Variants in ASIC2 observed in about 807,000 individuals in gnomAD.
ASIC2 encodes the protein acid-sensing ion channel 2.
ASIC2 carries 25 observed loss-of-function variants against 57.3 expected under a neutral mutation model. That is an observed-to-expected ratio of 0.44 (90% CI 0.32 to 0.61). ASIC2 has a LOEUF of 0.61. Among genes scored for constraint, ASIC2 ranks in the 20% least tolerant of loss-of-function variants. ASIC2 has a pLI of 0.06. For missense variants in ASIC2, 641 were observed against 738.1 expected, an observed-to-expected ratio of 0.87 and a Z score of 1.52; for synonymous variants, 319 against 307.5, an observed-to-expected ratio of 1.04 and a Z score of -0.39.
At chr17:33,755,255 T>C (rs1002765276) in intron 1 of ASIC2, among the ~76,000 whole-genome samples, 5 of 152,108 alleles carry the variant, frequency 3.3e-5, no homozygotes, top group Non-Finnish European at 7.4e-5. Flanking sequence ...GGCAAGCAAA[T>C]GGATTCTCTT....
Position 33,351,307 on chromosome 17 carries a change from T to C in ASIC2, c.556-239240A>G, listed in dbSNP as rs566314431. 1.1e-4 allele frequency among the ~76,000 whole-genome samples: 17 copies of C among 152,014 alleles called. No individual in the cohort carries two copies. The South Asian group carries it at 2.9e-3, about 26-fold the overall frequency. ...GGAGGCTGACTTGGTGTTGGCACAGTTCCAGGTCTAAGCACCATGAGCAGC... is the reference window on the plus strand; with the variant it reads ...GGAGGCTGACTTGGTGTTGGCACAGCTCCAGGTCTAAGCACCATGAGCAGC... On this transcript the variant is annotated intron_variant, in intron 1 of 9. Coordinates refer to the ASIC2 transcript ENST00000359872.
intron 1 of ASIC2, among the ~76,000 whole-genome samples, chr17:33,160,231 AAAG>A (rs1905126138): frequency 6.6e-6 from 1 of 151,962 alleles, no homozygotes; most frequent in Admixed American, 6.6e-5. Flanking sequence ...AAAGAAAAGA[AAAG>A]AAAAGAAAAT....
intron 1 of ASIC2, among the ~76,000 whole-genome samples, chr17:33,380,242 T>C (rs1284823002): frequency 3.6e-5 from 1 of 27,452 alleles, no homozygotes; most frequent in African/African-American, 1.1e-4. Context: ...GGAAACCCTG[T>C]CTCAAAAAAA....
intron 1 of ASIC2, among the ~76,000 whole-genome samples, chr17:34,066,572 C>A (rs1467286084): frequency 6.6e-6 from 1 of 152,180 alleles, no homozygotes; most frequent in Non-Finnish European, 1.5e-5. Flanking sequence ...ACATGGCCTG[C>A]AAAGACATTC....
chr17:33,631,322 ATTT>A (rs113222295), intron 1 of ASIC2, among the ~76,000 whole-genome samples: 6 of 134,498 alleles, frequency 4.5e-5, no homozygotes, highest in Admixed American at 1.5e-4. Context: ...GCTTTTAGTG[ATTT>A]TTTTTTTTTT....
chr17:33,399,670 C>T (rs75677757), intron 1 of ASIC2, among the ~76,000 whole-genome samples: 16,203 of 152,222 alleles, frequency 0.11, 941 homozygotes, highest in Middle Eastern at 0.14. Context: ...ATGCCCCTTC[C>T]CCTTAATCTC....
intron 1 of ASIC2, among the ~76,000 whole-genome samples, chr17:33,151,205 GCACACA>G (rs796468433): frequency 2.1e-5 from 3 of 145,888 alleles, no homozygotes; most frequent in African/African-American, 7.7e-5. Context: ...ACACACGCGC[GCACACA>G]CACACACACA....
intron 1 of ASIC2, among the ~76,000 whole-genome samples, chr17:33,371,409 A>C (rs1394393): frequency 6.6e-6 from 1 of 152,184 alleles, no homozygotes; most frequent in Non-Finnish European, 1.5e-5. Context: ...CAAGAGGCTC[A>C]CAGGGAGAGG....
At chr17:34,091,983 C>A (rs1393149915) in intron 1 of ASIC2, among the ~76,000 whole-genome samples, 1 of 152,168 alleles carries the variant, frequency 6.6e-6, no homozygotes, top group Non-Finnish European at 1.5e-5. Flanking sequence ...TTTCCTTTCC[C>A]TACTTCCATG....
At chr17:33,941,611 C>T (rs1375342051) in intron 1 of ASIC2, among the ~76,000 whole-genome samples, 2 of 152,198 alleles carry the variant, frequency 1.3e-5, no homozygotes, top group African/African-American at 4.8e-5. Flanking sequence ...ATCTTCTCCA[C>T]TGGGGGCAAA....
chr17:34,038,408 G>T (rs946346549), intron 1 of ASIC2: 2 of 1,611,964 alleles, frequency 1.2e-6, no homozygotes, highest in Admixed American at 3.3e-5. Context: ...TTCCCTACAT[G>T]CATGCTTGTG....
At chr17:33,170,190 C>T (rs554686503) in intron 1 of ASIC2, among the ~76,000 whole-genome samples, 16 of 152,262 alleles carry the variant, frequency 1.1e-4, no homozygotes, top group African/African-American at 2.4e-4. Context: ...ATTATTTTCA[C>T]GGAAATGTCT....
At chr17:33,516,139 A>C (rs1271635092) in intron 1 of ASIC2, among the ~76,000 whole-genome samples, 1 of 151,828 alleles carries the variant, frequency 6.6e-6, no homozygotes, top group Non-Finnish European at 1.5e-5. Context: ...ACAAAACAAA[A>C]CAAAACAAAA....
chr17:33,474,175 T>C (rs1261726457), intron 1 of ASIC2, among the ~76,000 whole-genome samples: 1 of 152,166 alleles, frequency 6.6e-6, no homozygotes, highest in Non-Finnish European at 1.5e-5. Flanking sequence ...AAGACCAGCC[T>C]GGACTACATG....
chr17:33,653,161 A>G (rs1370576367), intron 1 of ASIC2, among the ~76,000 whole-genome samples: 1 of 152,214 alleles, frequency 6.6e-6, no homozygotes, highest in Non-Finnish European at 1.5e-5. Flanking sequence ...CGTGATTTCC[A>G]GGGTAAAGGA....
intron 1 of ASIC2, chr17:33,291,097 G>A (rs1905415557): frequency 2.5e-6 from 1 of 396,346 alleles, no homozygotes; most frequent in African/African-American, 2.1e-5. Flanking sequence ...TCGGGAAGAA[G>A]GAGGCTGACT....
chr17:33,379,282 T>C (rs1292789495), intron 1 of ASIC2, among the ~76,000 whole-genome samples: 4 of 152,158 alleles, frequency 2.6e-5, no homozygotes, highest in African/African-American at 9.7e-5. Context: ...TTCTCATCTG[T>C]AAAAGGGGGC....
At chr17:33,858,607 T>C (rs1339630745) in intron 1 of ASIC2, among the ~76,000 whole-genome samples, 2 of 152,220 alleles carry the variant, frequency 1.3e-5, no homozygotes, top group Admixed American at 6.5e-5. Context: ...TGCTGCTCTG[T>C]CTCACCTCCC....
chr17:33,357,900 CAG>C (rs761166193), intron 1 of ASIC2, among the ~76,000 whole-genome samples: 3 of 152,188 alleles, frequency 2.0e-5, no homozygotes, highest in Non-Finnish European at 4.4e-5. Flanking sequence ...TGACTTGCAT[CAG>C]AGTCACTTGC....
Sources: gnomAD v4.1 joint callset for allele counts (sites outside exome capture counted in the v4.1 genomes callset) on GRCh38, gnomAD v4.1.1 for gene constraint, MANE v1.5 for transcripts, NCBI Gene and HGNC (gene_info 2026-07-23, HGNC 2026-07-21) for gene names.